LIMCH1: variants seen among roughly 807,000 people sequenced by gnomAD.
LIMCH1 encodes the protein LIM and calponin homology domains-containing protein 1.
In LIMCH1, 113 loss-of-function variants were observed where a neutral mutation model predicts 176.5. The observed-to-expected ratio is 0.64, with a 90% CI of 0.55 to 0.75. The LOEUF (loss-of-function observed/expected upper bound fraction) is 0.75, where lower values mean the gene tolerates loss of function less well. LIMCH1 is among the 30% of genes least tolerant of loss of function. The pLI is 0.00. For missense variants in LIMCH1, 1,674 were observed against 1,814.9 expected (o/e 0.92, Z 1.41); for synonymous variants, 619 against 645.9 (o/e 0.96, Z 0.63).
chr4:41,699,261 C>G lies in LIMCH1; in HGVS notation c.*2076C>G, dbSNP rs1340213948. The G allele has an allele frequency of 6.6e-6, 1 of 152,158 alleles. No individual in the cohort carries two copies. Among genetic ancestry groups the G allele is most frequent in the Non-Finnish European group, 1.5e-5 (1 of 68,020 alleles). 9.4% of individuals were successfully genotyped at this position (152,158 alleles called of 1,614,324 possible). A position where few individuals can be genotyped will look rare whatever the true frequency, so the allele number is the denominator to read the frequency against. On this transcript the variant is annotated 3_prime_UTR_variant, in exon 32 of 32. Coordinates refer to ENST00000503057, the MANE Select transcript of LIMCH1 (RefSeq NM_001330672.2). ...TATTGCACATTCCCTTCTGGTTTCA[C>G]AAACCCATTTATACATATTTCTTAG...
At chr4:41,435,146 A>ACAT (rs1299420719) in intron 1 of LIMCH1, among the ~76,000 whole-genome samples, 1 of 152,208 alleles carries the variant, frequency 6.6e-6, no homozygotes, top group African/African-American at 2.4e-5. Flanking sequence ...GGGGGACTGG[A>ACAT]CATCAGAAGC....
At chr4:41,550,767 T>A (rs960551022) in intron 1 of LIMCH1, among the ~76,000 whole-genome samples, 1 of 152,148 alleles carries the variant, frequency 6.6e-6, no homozygotes, top group Non-Finnish European at 1.5e-5. Flanking sequence ...ATGAATTAAT[T>A]GGTACTCCTT....
rs189503634 is a variant in LIMCH1, at chr4:41,599,379, C to T, written c.-134+353C>T. Among the ~76,000 whole-genome samples, 64 of 152,266 alleles carry T rather than the reference C, an allele frequency of 4.2e-4. 1 individual carries two copies. The highest frequency in any genetic ancestry group is 2.2e-3 in the Admixed American group (34 of 15,294). On this transcript the variant is annotated intron_variant, in intron 2 of 31. Transcript: ENST00000503057. Reference sequence around the variant, plus strand: ...GGCACCAATTGAACATTTGAGTAGGCTCTTGGAAGGTAAACAGATCTGAAC... The same window carrying T: ...GGCACCAATTGAACATTTGAGTAGGTTCTTGGAAGGTAAACAGATCTGAAC...
At chr4:41,547,066 A>G (rs1385832830) in intron 1 of LIMCH1, among the ~76,000 whole-genome samples, 5 of 152,226 alleles carry the variant, frequency 3.3e-5, no homozygotes, top group African/African-American at 1.2e-4. Context: ...TCTGGGATAC[A>G]AGGTGATGAG....
intron 30 of LIMCH1, 78 bp downstream of exon 30, chr4:41,689,713 T>A: frequency 1.1e-6 from 1 of 888,892 alleles, no homozygotes; most frequent in Non-Finnish European, 1.9e-6. Flanking sequence ...AAAATGCCTC[T>A]TGGAAATTCT....
intron 1 of LIMCH1, among the ~76,000 whole-genome samples, chr4:41,567,736 A>G (rs1410294594): frequency 1.3e-5 from 2 of 152,214 alleles, no homozygotes; most frequent in Non-Finnish European, 2.9e-5. Context: ...TTTTGTGTTT[A>G]TCTTTGGAAG....
intron 1 of LIMCH1, among the ~76,000 whole-genome samples, chr4:41,411,027 C>T (rs73134580): frequency 0.035 from 5,269 of 152,256 alleles, 290 homozygotes; most frequent in African/African-American, 0.12. Flanking sequence ...TCCCTTATTA[C>T]GTTAGACTCC....
At chr4:41,475,755 C>T (rs1252128185) in intron 1 of LIMCH1, among the ~76,000 whole-genome samples, 1 of 152,088 alleles carries the variant, frequency 6.6e-6, no homozygotes, top group Non-Finnish European at 1.5e-5. Flanking sequence ...GGACAAATAC[C>T]TAGTGCATGC....
At chr4:41,477,392 G>T (rs148879994) in intron 1 of LIMCH1, among the ~76,000 whole-genome samples, 20 of 152,244 alleles carry the variant, frequency 1.3e-4, no homozygotes, top group African/African-American at 4.6e-4. Flanking sequence ...GAGAGCTCAG[G>T]CTGGGTGTTC....
intron 1 of LIMCH1, among the ~76,000 whole-genome samples, chr4:41,381,989 T>G (rs2055745461): frequency 6.6e-6 from 1 of 152,194 alleles, no homozygotes; most frequent in African/African-American, 2.4e-5. Context: ...CTCCAGACAT[T>G]GCCAGATGCC....
chr4:41,672,489 G>A (rs2095081109), intron 22 of LIMCH1, among the ~76,000 whole-genome samples: 2 of 152,122 alleles, frequency 1.3e-5, no homozygotes, highest in African/African-American at 2.4e-5. Context: ...CTTGAACATA[G>A]TATATTGTTG....
intron 1 of LIMCH1, among the ~76,000 whole-genome samples, chr4:41,545,548 A>C (rs2079256389): frequency 1.3e-5 from 2 of 152,160 alleles, no homozygotes; most frequent in Non-Finnish European, 2.9e-5. Flanking sequence ...CTGGCTCTAA[A>C]CTTAATGTTG....
At chr4:41,419,862 G>C (rs949618769) in intron 1 of LIMCH1, among the ~76,000 whole-genome samples, 1 of 148,682 alleles carries the variant, frequency 6.7e-6, no homozygotes, top group Non-Finnish European at 1.5e-5. Flanking sequence ...ATGCCATTCT[G>C]ACAGGTATTA....
chr4:41,559,581 A>G (rs976851682), intron 1 of LIMCH1, among the ~76,000 whole-genome samples: 1 of 151,976 alleles, frequency 6.6e-6, no homozygotes, highest in Non-Finnish European at 1.5e-5. Flanking sequence ...AATAGTCTCC[A>G]TTTACATCAT....
Position 41,685,784 on chromosome 4 carries a change from G to C in LIMCH1, c.4042G>C (p.Asp1348His). 6.2e-7 allele frequency: 1 copy of C among 1,613,578 alleles called. No homozygotes were observed. Among genetic ancestry groups the C allele is most frequent in the Non-Finnish European group, 8.5e-7 (1 of 1,179,666 alleles). The change falls in exon 28 of 32, where the codon GAT (aspartate) becomes CAT (histidine). Residue 1348 changes from aspartate (D) to histidine (H), a missense_variant. Around this residue, in one of 3 missense-constraint regions of LIMCH1, gnomAD observed 1,015 missense variants for 1,102.5 expected, o/e 0.92. Transcript: ENST00000503057. ...EDVKPKTLPL[D>H]KSINHQIESP... ...TGTGAAGCCAAAAACCCTCCCGCTG[G>C]ATAAAAGCATTAACCATCAGATCGA...
intron 2 of LIMCH1, among the ~76,000 whole-genome samples, chr4:41,603,039 T>A (rs1432181882): frequency 6.6e-6 from 1 of 152,200 alleles, no homozygotes; most frequent in African/African-American, 2.4e-5. Flanking sequence ...TTCATTAATA[T>A]GTACTTTAGG....
At chr4:41,433,493 G>C (rs182574844) in intron 1 of LIMCH1, among the ~76,000 whole-genome samples, 1 of 152,174 alleles carries the variant, frequency 6.6e-6, no homozygotes, top group African/African-American at 2.4e-5. Flanking sequence ...TGTTCAGTTG[G>C]TGCCGGGGCT....
chr4:41,650,323 C>A (rs1006171892), intron 17 of LIMCH1, 70 bp from the exon 18 acceptor site: 52 of 1,057,242 alleles, frequency 4.9e-5, no homozygotes, highest in Non-Finnish European at 6.8e-5. Flanking sequence ...TAATTCTGAA[C>A]GTGTCGTTTT....
rs1554039982 is a variant in LIMCH1 at position 41,419,635 on chromosome 4, C to CG, written c.96+58699_96+58700insG. Among the ~76,000 whole-genome samples the CG allele has an allele frequency of 2.6e-4, 17 of 64,316 alleles. 2 individuals carry two copies. Among genetic ancestry groups the CG allele is most frequent in the South Asian group, 2.1e-3 (3 of 1,452 alleles). The allele number at this position is 64,316 out of a possible 152,430, so 42.2% of individuals were successfully genotyped here. Reference sequence around the variant, plus strand: ...CCTTCCTTCCTTCCTTCCTTCCTTCCTCCTTCCTTTCTTCCTCCTTCCTTC... The same window carrying CG: ...CCTTCCTTCCTTCCTTCCTTCCTTCCGTCCTTCCTTTCTTCCTCCTTCCTTC... On this transcript the variant is annotated intron_variant, in intron 1 of 26. Coordinates refer to the LIMCH1 transcript ENST00000313860.
Sources: gnomAD v4.1 joint callset for allele counts (sites outside exome capture counted in the v4.1 genomes callset) on GRCh38, gnomAD v4.1.1 for gene constraint, gnomAD v4.1.1 regional missense constraint, MANE v1.5 for transcripts, NCBI Gene and HGNC (gene_info 2026-07-23, HGNC 2026-07-21) for gene names.